The following LRRC4C variants were observed in gnomAD, a reference collection of about 807,000 sequenced individuals.
The protein encoded by LRRC4C is leucine rich repeat containing 4C.
A neutral mutation model predicts 33.6 loss-of-function variants in LRRC4C; 5 were observed. The ratio of observed to expected loss-of-function variants is 0.15; its 90% CI spans 0.08 to 0.31. The LOEUF is 0.31. Ranked by LOEUF, LRRC4C falls within the 10% of genes least tolerant of loss-of-function variation. The pLI is 1.00. For missense variants in LRRC4C, 560 were observed against 796.7 expected, an observed-to-expected ratio of 0.70 and a Z score of 3.58; for synonymous variants, 329 against 302.0, an observed-to-expected ratio of 1.09 and a Z score of -0.93.
chr11:40,749,491 A>T (rs1029335974), intron 2 of LRRC4C, among the ~76,000 whole-genome samples: 3 of 151,390 alleles, frequency 2.0e-5, no homozygotes, highest in Non-Finnish European at 4.4e-5. Context: ...ATAAGCAGGA[A>T]GTTTATAGCA....
At chr11:41,433,885 T>C (rs1367563539) in intron 1 of LRRC4C, among the ~76,000 whole-genome samples, 1 of 151,978 alleles carries the variant, frequency 6.6e-6, no homozygotes, top group Non-Finnish European at 1.5e-5. Context: ...TAGAGCACTC[T>C]AATACAGTTA....
rs574927572 is a variant in LRRC4C, at chr11:41,171,590, G to A, written c.-495-237867C>T. On this transcript the variant is annotated intron_variant, in intron 1 of 6. Transcript: ENST00000528697. The stretch of plus-strand genomic sequence containing the variant: ...CACAGGAAGGGGAACATCACACACC[G>A]GGGACTGTTGTGGGGTGGCGGGAGG... Among the ~76,000 whole-genome samples the A allele has an allele frequency of 1.3e-4, 20 of 149,868 alleles. No homozygotes were observed. The South Asian group carries it at 3.3e-3, about 24-fold the overall frequency.
At chr11:41,080,770 G>T (rs1428973413) in intron 1 of LRRC4C, among the ~76,000 whole-genome samples, 1 of 152,178 alleles carries the variant, frequency 6.6e-6, no homozygotes, top group Non-Finnish European at 1.5e-5. Context: ...TTGAGCTTTG[G>T]ATTGGAGAAA....
At chr11:40,261,486 T>C (rs1221077361) in intron 4 of LRRC4C, among the ~76,000 whole-genome samples, 2 of 152,192 alleles carry the variant, frequency 1.3e-5, no homozygotes, top group East Asian at 3.9e-4. Flanking sequence ...CAAATATGTG[T>C]GATTTTATAG....
chr11:40,169,733 G>A lies in LRRC4C; in HGVS notation c.-95-28880C>T, dbSNP rs75980447. Among the ~76,000 whole-genome samples the A allele has an allele frequency of 2.5e-3, 375 of 151,950 alleles. 3 individuals carry two copies. The highest frequency in any genetic ancestry group is 8.6e-3 in the African/African-American group (356 of 41,426). ...TTCTAGATCTTACTCCATAACCCTC[G>A]TACCAAGTCTAGTATTCCACTTAAA... On this transcript the variant is annotated intron_variant, in intron 5 of 6. Transcript: ENST00000528697.
At position 40,936,014 on chromosome 11, in the gene LRRC4C, TTATATATATATATATATATA is replaced by T. The variant is rs56879078; in HGVS notation, c.-495-2311_-495-2292del. Reference sequence around the variant, plus strand: ...AAAACTACTAAAAAGATGCCAAATTTTATATATATATATATATATATATATATATATATATATATATATAT... The same window carrying T: ...AAAACTACTAAAAAGATGCCAAATTTTATATATATATATATATATATATAT... On this transcript the variant is annotated intron_variant, in intron 1 of 6. Transcript: ENST00000528697. Among the ~76,000 whole-genome samples, 73 of 49,310 alleles carry T rather than the reference TTATATATATATATATATATA, an allele frequency of 1.5e-3. 1 individual carries two copies. The highest frequency in any genetic ancestry group is 2.3e-3 in the African/African-American group (40 of 17,168). The allele number at this position is 49,310 out of a possible 152,430, so 32.3% of individuals were successfully genotyped here. A position where few individuals can be genotyped will look rare whatever the true frequency, so the allele number is the denominator to read the frequency against.
intron 2 of LRRC4C, among the ~76,000 whole-genome samples, chr11:40,858,024 AAG>A (rs1475443449): frequency 0.011 from 1,419 of 127,568 alleles, 34 homozygotes; most frequent in African/African-American, 0.039. Flanking sequence ...AAAGGAAGGG[AAG>A]GGAAGGGAAG....
At chr11:41,197,959 C>T (rs886291787) in intron 1 of LRRC4C, among the ~76,000 whole-genome samples, 1 of 151,842 alleles carries the variant, frequency 6.6e-6, no homozygotes, top group Non-Finnish European at 1.5e-5. Context: ...TGCCATCACC[C>T]CTGTTGTTAT....
At chr11:40,910,541 C>A (rs1956623434) in intron 2 of LRRC4C, among the ~76,000 whole-genome samples, 1 of 152,174 alleles carries the variant, frequency 6.6e-6, no homozygotes, top group African/African-American at 2.4e-5. Context: ...AAGCCATATT[C>A]ATTAAAAATT....
chr11:41,165,672 A>G (rs1371356118), intron 1 of LRRC4C, among the ~76,000 whole-genome samples: 13 of 152,098 alleles, frequency 8.5e-5, no homozygotes, highest in Admixed American at 8.5e-4. Context: ...CTCTCCCCAT[A>G]ATGTTTAACC....
At chr11:40,796,931 C>T (rs1339895823) in intron 2 of LRRC4C, among the ~76,000 whole-genome samples, 1 of 152,066 alleles carries the variant, frequency 6.6e-6, no homozygotes, top group East Asian at 1.9e-4. Flanking sequence ...CAGGCATGAG[C>T]CACCACGCCT....
At chr11:40,275,735 T>C (rs1943054452) in intron 4 of LRRC4C, among the ~76,000 whole-genome samples, 1 of 152,124 alleles carries the variant, frequency 6.6e-6, no homozygotes, top group Non-Finnish European at 1.5e-5. Context: ...GAAAGATTAA[T>C]GAAAACCTAA....
At chr11:40,133,806 A>C (rs914290049) in intron 6 of LRRC4C, among the ~76,000 whole-genome samples, 1 of 152,134 alleles carries the variant, frequency 6.6e-6, no homozygotes, top group African/African-American at 2.4e-5. Flanking sequence ...GGATATGTAG[A>C]TTTGAATAAG....
intron 3 of LRRC4C, among the ~76,000 whole-genome samples, chr11:40,467,362 G>T (rs1033602052): frequency 1.3e-5 from 2 of 151,992 alleles, no homozygotes; most frequent in East Asian, 1.9e-4. Flanking sequence ...GAGAATTGCC[G>T]TATCAATTAC....
At chr11:40,326,800 A>C (rs142924431) in intron 3 of LRRC4C, among the ~76,000 whole-genome samples, 1 of 152,330 alleles carries the variant, frequency 6.6e-6, no homozygotes, top group African/African-American at 2.4e-5. Context: ...CTAAGATATA[A>C]GTGGAGAGAG....
At chr11:40,554,003 G>A (rs1957231597) in intron 3 of LRRC4C, among the ~76,000 whole-genome samples, 2 of 152,148 alleles carry the variant, frequency 1.3e-5, no homozygotes, top group Non-Finnish European at 2.9e-5. Context: ...TGAGGACTTA[G>A]TCATAAATTC....
chr11:40,404,376 G>A (rs1346244460), intron 3 of LRRC4C, among the ~76,000 whole-genome samples: 8 of 152,064 alleles, frequency 5.3e-5, no homozygotes, highest in East Asian at 1.9e-4. Context: ...ATTTTGTGGC[G>A]ATCTCTAAAA....
intron 2 of LRRC4C, among the ~76,000 whole-genome samples, chr11:40,740,119 T>A (rs1318434274): frequency 2.0e-5 from 3 of 152,050 alleles, no homozygotes; most frequent in African/African-American, 7.2e-5. Context: ...AATGATGCAA[T>A]GAACATGGTG....
At chr11:41,269,630 C>T (rs1168592886) in intron 1 of LRRC4C, among the ~76,000 whole-genome samples, 4 of 152,048 alleles carry the variant, frequency 2.6e-5, no homozygotes, top group Non-Finnish European at 5.9e-5. Context: ...TGGTCTGTCT[C>T]TCTGGTGCCA....
Sources: allele counts gnomAD v4.1 joint callset (sites outside exome capture counted in the v4.1 genomes callset), GRCh38; gene constraint gnomAD v4.1.1; transcripts MANE v1.5; gene names NCBI Gene and HGNC (gene_info 2026-07-23, HGNC 2026-07-21).